ENO3: variants seen among roughly 807,000 people sequenced by gnomAD.
ENO3 encodes the protein beta-enolase.
In ENO3, 46 loss-of-function variants were observed where a neutral mutation model predicts 47.7. The ratio of observed to expected loss-of-function variants is 0.96; its 90% CI spans 0.76 to 1.23. The LOEUF is 1.23. ENO3 is among the 50% of genes most tolerant of loss of function. The pLI, the probability that ENO3 is intolerant of heterozygous loss-of-function variation, is 0.00. For missense variants in ENO3, 575 were observed against 566.2 expected (o/e 1.02, Z -0.16); for synonymous variants, 223 against 225.9 (o/e 0.99, Z 0.11).
chr17:4,951,655 T>C (rs2151138906), intron 1 of ENO3, 173 bp from the exon 2 acceptor site: 2 of 693,522 alleles, frequency 2.9e-6, no homozygotes, highest in African/African-American at 1.8e-5. Flanking sequence ...ATAAGAGCTG[T>C]TCTGAGTGGG....
At chr17:4,949,072 T>G (rs1276355043), upstream of ENO3, 3 of 151,700 alleles carry the variant, frequency 2.0e-5, no homozygotes, top group Non-Finnish European at 4.4e-5. Context: ...GCCCGACCCG[T>G]GTGGACCCTG....
intron 2 of ENO3, 106 bp from the exon 3 acceptor site, chr17:4,952,689 T>C (rs1318279128): frequency 2.7e-6 from 3 of 1,131,992 alleles, no homozygotes; most frequent in Non-Finnish European, 3.9e-6. Flanking sequence ...CTTGAACTCC[T>C]GATCTCAAGT....
Position 4,951,186 on chromosome 17 carries a change from G to A in ENO3, c.-3+4G>A, listed in dbSNP as rs1423369647. The stretch of plus-strand genomic sequence containing the variant: ...ACCTCCAGCGAAGACATCCCAGGTC[G>A]GGTGAATCTTCCAGCCCTGGGGGTG... On this transcript the variant is annotated splice_donor_region_variant and intron_variant, in intron 1 of 11. Coordinates refer to ENST00000519602, the MANE Select transcript of ENO3 (RefSeq NM_053013.4). 1 of 990,208 alleles carries A rather than the reference G, an allele frequency of 1.0e-6. No individual in the cohort carries two copies. The highest frequency in any genetic ancestry group is 1.7e-5 in the African/African-American group (1 of 57,238). The allele number at this position is 990,208 out of a possible 1,614,324, so 61.3% of individuals were successfully genotyped here. A position where few individuals can be genotyped will look rare whatever the true frequency, so the allele number is the denominator to read the frequency against.
At chr17:4,950,214 G>C (rs902633214), upstream of ENO3, 1 of 152,212 alleles carries the variant, frequency 6.6e-6, no homozygotes, top group Non-Finnish European at 1.5e-5. Context: ...AGAGGAGCTC[G>C]GGGCAGACCC....
upstream of ENO3, chr17:4,948,726 A>T (rs1597691199): frequency 3.0e-6 from 1 of 329,856 alleles, no homozygotes; most frequent in Non-Finnish European, 5.6e-6. Context: ...TTCGATGGAA[A>T]GCAATGCAGA....
upstream of ENO3, among the ~76,000 whole-genome samples, chr17:4,949,659 T>G (rs1450134024): frequency 6.6e-6 from 1 of 151,908 alleles, no homozygotes; most frequent in East Asian, 1.9e-4. Flanking sequence ...TGAAACCGCC[T>G]CCTCCGACCC....
chr17:4,953,619 G>A, intron 5 of ENO3, 93 bp from the exon 6 acceptor site: 1 of 1,605,604 alleles, frequency 6.2e-7, no homozygotes, highest in Non-Finnish European at 8.5e-7. Context: ...AATTCTTCAT[G>A]CTCAGTGGTT....
At chr17:4,954,041 C>CTTCCTT (rs1263966682) in intron 6 of ENO3, 196 bp downstream of exon 6, 10 of 810,074 alleles carry the variant, frequency 1.2e-5, no homozygotes, top group Admixed American at 1.1e-4. Flanking sequence ...GCTCTATGTG[C>CTTCCTT]TTCCTTCCCT....
At chr17:4,952,155 G>A (rs1284160904) in intron 2 of ENO3, 2 of 627,280 alleles carry the variant, frequency 3.2e-6, no homozygotes, top group East Asian at 6.3e-5. Context: ...GAGGTAGAGA[G>A]ACTCCCTGTG....
chr17:4,949,567 T>C (rs1971482172), upstream of ENO3, among the ~76,000 whole-genome samples: 1 of 150,572 alleles, frequency 6.6e-6, no homozygotes. Flanking sequence ...TTCGGGCCCT[T>C]TGGGTTTCTT....
intron 8 of ENO3, 122 bp downstream of exon 8, chr17:4,955,726 C>G: frequency 6.8e-7 from 1 of 1,469,702 alleles, no homozygotes; most frequent in South Asian, 1.2e-5. Context: ...CCATTAAAAT[C>G]CCCATTTAAG....
intron 6 of ENO3, chr17:4,954,138 A>C: frequency 2.0e-6 from 1 of 491,236 alleles, no homozygotes; most frequent in African/African-American, 1.9e-5. Context: ...CCCAAATCAT[A>C]TTGAGAGTTT....
intron 3 of ENO3, 33 bp downstream of exon 3, chr17:4,952,923 T>C (rs752387577): frequency 1.2e-6 from 2 of 1,610,836 alleles, no homozygotes; most frequent in East Asian, 2.2e-5. Context: ...GGAGCCTGTG[T>C]GGGCGGCTTT....
intron 6 of ENO3, chr17:4,954,212 C>G (rs1429308100): frequency 1.2e-5 from 4 of 326,980 alleles, no homozygotes; most frequent in Non-Finnish European, 2.3e-5. Flanking sequence ...CCAGTGCCTT[C>G]TTGATGAATG....
chr17:4,951,640 G>A (rs1971542108), intron 1 of ENO3, 188 bp from the exon 2 acceptor site: 1 of 637,128 alleles, frequency 1.6e-6, no homozygotes, highest in Non-Finnish European at 2.8e-6. Flanking sequence ...GGATGGGAGG[G>A]TGGAATAAGA....
Position 4,955,253 on chromosome 17 carries a change from G to C in ENO3, c.623G>C (p.Gly208Ala), listed in dbSNP as rs370156864. Residue 208 changes from glycine to alanine, a missense_variant, in exon 7 of 12, where the codon GGT becomes GCT. By Grantham distance (60) the Gly-to-Ala change is moderately conservative. Coordinates refer to ENST00000519602, the MANE Select transcript of ENO3 (RefSeq NM_053013.4). Reference sequence around the variant, plus strand: ...TATGGGAAGGATGCCACCAATGTGGGTGATGAAGGTGGCTTCGCACCCAAC... The same window carrying C: ...TATGGGAAGGATGCCACCAATGTGGCTGATGAAGGTGGCTTCGCACCCAAC... Reference protein sequence around the residue: ...AKYGKDATNVGDEGGFAPNIL... With the variant: ...AKYGKDATNVADEGGFAPNIL... 9.9e-6 allele frequency: 16 copies of C among 1,614,144 alleles called. No individual in the cohort carries two copies. In the African/African-American group the frequency reaches 2.1e-4, roughly 22 times the overall value.
chr17:4,953,578 A>T, intron 5 of ENO3, 134 bp from the exon 6 acceptor site: 2 of 1,548,230 alleles, frequency 1.3e-6, no homozygotes, highest in Non-Finnish European at 1.8e-6. Context: ...TCCCAGGGCT[A>T]CTCAGGCTGT....
chr17:4,955,150 G>A lies in ENO3; in HGVS notation c.520G>A (p.Gly174Arg). The change falls in exon 7 of 12, where the codon GGA becomes AGA. Residue 174 changes from glycine to arginine, a missense_variant. By Grantham distance (125) the Gly-to-Arg change is moderately radical. Transcript: ENST00000519602. ...AMQEFMILPV[G>R]ASSFKEAMRI... Reference sequence around the variant, plus strand: ...GCAGGAGTTCATGATTCTGCCTGTGGGAGCCAGCTCCTTCAAGGAAGCCAT... The same window carrying A: ...GCAGGAGTTCATGATTCTGCCTGTGAGAGCCAGCTCCTTCAAGGAAGCCAT... 1 of 1,614,256 alleles carries A rather than the reference G, an allele frequency of 6.2e-7. No homozygotes were observed. The highest frequency in any genetic ancestry group is 8.5e-7 in the Non-Finnish European group (1 of 1,180,042).
intron 6 of ENO3, 123 bp from the exon 7 acceptor site, chr17:4,954,952 T>A: frequency 1.5e-6 from 1 of 652,318 alleles, no homozygotes; most frequent in Non-Finnish European, 2.6e-6. Context: ...GCAAAACTAC[T>A]CATCCTAGAC....
Sources: allele counts gnomAD v4.1 joint callset (sites outside exome capture counted in the v4.1 genomes callset), GRCh38; gene constraint gnomAD v4.1.1; transcripts MANE v1.5; gene names NCBI Gene and HGNC (gene_info 2026-07-23, HGNC 2026-07-21).